CCDC158: variants seen among roughly 807,000 people sequenced by gnomAD.
CCDC158 encodes coiled-coil domain-containing protein 158.
In CCDC158, 116 loss-of-function variants were observed where a neutral mutation model predicts 138.6. That is an observed-to-expected ratio of 0.84 (90% CI 0.72 to 0.98). CCDC158 has a LOEUF of 0.98. Among genes scored for constraint, CCDC158 ranks in the 50% least tolerant of loss-of-function variants. CCDC158 has a pLI of 0.00. For missense variants in CCDC158, 1,265 were observed against 1,306.1 expected (o/e 0.97, Z 0.48); for synonymous variants, 436 against 442.4 (o/e 0.99, Z 0.18).
intron 4 of CCDC158, among the ~76,000 whole-genome samples, chr4:76,394,613 A>C (rs1316497766): frequency 1.3e-5 from 2 of 152,288 alleles, no homozygotes; most frequent in African/African-American, 4.8e-5. Context: ...GTACATTTTC[A>C]AATAACTAAA....
At chr4:76,379,513 T>A (rs1726028584) in intron 8 of CCDC158, 109 bp from the exon 9 acceptor site, 1 of 522,768 alleles carries the variant, frequency 1.9e-6, no homozygotes, top group Non-Finnish European at 3.2e-6. Context: ...TATATGGCAT[T>A]ATTAAGCCAA....
intron 21 of CCDC158, 118 bp downstream of exon 21, chr4:76,331,226 C>A: frequency 1.2e-6 from 1 of 852,252 alleles, no homozygotes; most frequent in Non-Finnish European, 1.9e-6. Flanking sequence ...GTCTTGCTCA[C>A]TATATTCTAA....
At position 76,367,421 on chromosome 4, in the gene CCDC158, C is replaced by T. The variant is rs773792089; in HGVS notation, c.1703G>A (p.Arg568Gln). 2.4e-5 allele frequency: 38 copies of T among 1,614,104 alleles called. No homozygotes were observed. Among genetic ancestry groups the T allele is most frequent in the Non-Finnish European group, 3.1e-5 (36 of 1,180,054 alleles). ...TEKDKVIEIL[R>Q]QQIENMTQLV... ...CTGTGTCATGTTCTCAATCTGCTGT[C>T]GCAGAATCTCGATCACCTTGTCCTT... Residue 568 changes from arginine to glutamine, a missense_variant, in exon 12 of 25, where the codon CGA becomes CAA. Coordinates refer to ENST00000682701, the MANE Select transcript of CCDC158 (RefSeq NM_001394954.1).
intron 18 of CCDC158, chr4:76,344,641 C>A: frequency 6.3e-7 from 1 of 1,576,390 alleles, no homozygotes; most frequent in Non-Finnish European, 8.7e-7. Flanking sequence ...GTCAAATTTA[C>A]AGTGCACACA....
rs753489605 is a variant in CCDC158, at chr4:76,353,135, C to A, written c.2433G>T (p.Val811=). ...RLKEKVTNME[V]ALDKASLQFA... ...AGTTAATAATTACCTTATCCAGAGC[C>A]ACTTCCATATTAGTAACCTTTTCTT... Residue 811 remains valine, a synonymous_variant, in exon 16 of 25, where the codon GTG becomes GTT. Transcript: ENST00000682701. The A allele has an allele frequency of 2.5e-6, 4 of 1,611,692 alleles. No homozygotes were observed. The highest frequency in any genetic ancestry group is 3.4e-6 in the Non-Finnish European group (4 of 1,179,152).
Position 76,328,897 on chromosome 4 carries a change from C to T in CCDC158, c.3010+3G>A. Reference sequence around the variant, plus strand: ...TATTTCTGTGCTTTCATTGGAAACTCACCTGCAGATGTGAATGTGAAGCAA... The same window carrying T: ...TATTTCTGTGCTTTCATTGGAAACTTACCTGCAGATGTGAATGTGAAGCAA... On this transcript the variant is annotated splice_donor_region_variant and intron_variant, in intron 22 of 24. Transcript: ENST00000682701. 1 of 1,613,008 alleles carries T rather than the reference C, an allele frequency of 6.2e-7. No individual in the cohort carries two copies. The highest frequency in any genetic ancestry group is 8.5e-7 in the Non-Finnish European group (1 of 1,179,028).
At chr4:76,402,595 C>T (rs1357457554) in intron 3 of CCDC158, among the ~76,000 whole-genome samples, 3 of 150,236 alleles carry the variant, frequency 2.0e-5, no homozygotes, top group Non-Finnish European at 4.4e-5. Flanking sequence ...GTAACCATTC[C>T]TTGTATTAAA....
rs12332059 is a variant in CCDC158 at position 76,371,364 on chromosome 4, A to G, written c.1149+53T>C. ...GGAAACGAGTTTTGTGATATATTTC[A>G]GTGAAAAACTTCCCAGAATTAGTCT... On this transcript the variant is annotated intron_variant, in intron 10 of 24. Coordinates refer to ENST00000682701, the MANE Select transcript of CCDC158 (RefSeq NM_001394954.1). The G allele has an allele frequency of 5.6e-3, 8,724 of 1,555,510 alleles. 399 individuals carry two copies. In the African/African-American group the frequency reaches 0.1, roughly 18 times the overall value.
At chr4:76,360,544 A>C (rs1187607208) in intron 13 of CCDC158, among the ~76,000 whole-genome samples, 1 of 152,160 alleles carries the variant, frequency 6.6e-6, no homozygotes, top group Non-Finnish European at 1.5e-5. Context: ...TTGGAAGCCC[A>C]CCCCTTACAT....
Position 76,367,049 on chromosome 4 carries a change from C to A in CCDC158, c.1830+245G>T, listed in dbSNP as rs78910387. ...TTTCCTGTGGTATCAGGAAAGACTT[C>A]ATAGATTTTCTGATCTTTTTTCTTT... On this transcript the variant is annotated intron_variant, in intron 12 of 24. Coordinates refer to ENST00000682701, the MANE Select transcript of CCDC158 (RefSeq NM_001394954.1). 9.3e-3 allele frequency among the ~76,000 whole-genome samples: 1,410 copies of A among 152,248 alleles called. 18 individuals carry two copies. Among genetic ancestry groups the A allele is most frequent in the African/African-American group, 0.032 (1,339 of 41,558 alleles).
At chr4:76,383,318 TC>T (rs1197060002) in intron 7 of CCDC158, among the ~76,000 whole-genome samples, 2 of 152,106 alleles carry the variant, frequency 1.3e-5, no homozygotes, top group Non-Finnish European at 2.9e-5. Flanking sequence ...TTAGCAAGAA[TC>T]CCCCTACTCT....
At chr4:76,341,282 C>T (rs1273595777) in intron 18 of CCDC158, among the ~76,000 whole-genome samples, 3 of 152,128 alleles carry the variant, frequency 2.0e-5, no homozygotes, top group Non-Finnish European at 4.4e-5. Flanking sequence ...TCTCCATTCT[C>T]CAAAGATAGA....
chr4:76,341,482 A>T lies in CCDC158; in HGVS notation c.2665-7315T>A, dbSNP rs182409996. Among the ~76,000 whole-genome samples, 418 of 152,338 alleles carry T rather than the reference A, an allele frequency of 2.7e-3. 2 individuals carry two copies. Among genetic ancestry groups the T allele is most frequent in the African/African-American group, 9.1e-3 (379 of 41,582 alleles). On this transcript the variant is annotated intron_variant, in intron 18 of 24. Coordinates refer to ENST00000682701, the MANE Select transcript of CCDC158 (RefSeq NM_001394954.1). The stretch of plus-strand genomic sequence containing the variant: ...ACAGGAAACAGGAAAAAAGTTACGA[A>T]GCATTGCTAAAAATCTTGCCCACAT...
chr4:76,334,213 A>G (rs374469125), intron 18 of CCDC158, 46 bp from the exon 19 acceptor site: 26 of 1,452,176 alleles, frequency 1.8e-5, no homozygotes, highest in East Asian at 2.4e-5. Flanking sequence ...TCAGATTTCT[A>G]TGCTATTTCC....
rs201626838 is a variant in CCDC158 at position 76,328,995 on chromosome 4, C to T, written c.2943-28G>A. ...GGAAGCATAAGAATGGTAATGCAAGCATTCCATTTCACAAACACAGTACTA... is the reference window on the plus strand; with the variant it reads ...GGAAGCATAAGAATGGTAATGCAAGTATTCCATTTCACAAACACAGTACTA... On this transcript the variant is annotated intron_variant, in intron 21 of 24. Coordinates refer to ENST00000682701, the MANE Select transcript of CCDC158 (RefSeq NM_001394954.1). 9 of 1,553,086 alleles carry T rather than the reference C, an allele frequency of 5.8e-6. No individual in the cohort carries two copies. The Admixed American group carries it at 1.3e-4, about 23-fold the overall frequency.
chr4:76,338,120 C>A (rs1721708264), intron 18 of CCDC158, among the ~76,000 whole-genome samples: 1 of 152,202 alleles, frequency 6.6e-6, no homozygotes, highest in African/African-American at 2.4e-5. Context: ...TGCAGGAGAT[C>A]TAGGTTGCAC....
At position 76,332,568 on chromosome 4, in the gene CCDC158, C is replaced by T. The variant is rs576805657; in HGVS notation, c.2823-77G>A. ...ATGTCTTTTTTAGACTAATCAATTGCTTACATATATTCAATTTTTCTTTTA... is the reference window on the plus strand; with the variant it reads ...ATGTCTTTTTTAGACTAATCAATTGTTTACATATATTCAATTTTTCTTTTA... On this transcript the variant is annotated intron_variant, in intron 19 of 24. Transcript: ENST00000682701. The T allele has an allele frequency of 7.9e-6, 9 of 1,132,806 alleles. No individual in the cohort carries two copies. In the Admixed American group the frequency reaches 1.2e-4, roughly 15 times the overall value. 70.2% of individuals were successfully genotyped at this position (1,132,806 alleles called of 1,614,324 possible).
Position 76,353,163 on chromosome 4 carries a change from A to C in CCDC158, c.2405T>G (p.Leu802Trp), listed in dbSNP as rs372239837. 42 of 1,613,664 alleles carry C rather than the reference A, an allele frequency of 2.6e-5. No individual in the cohort carries two copies. Among genetic ancestry groups the C allele is most frequent in the Non-Finnish European group, 2.8e-5 (33 of 1,179,860 alleles). The change falls in exon 16 of 25, where the codon TTG becomes TGG. Residue 802 changes from leucine to tryptophan, a missense_variant. Physicochemically the swap from Leu to Trp is moderately conservative, Grantham distance 61 (BLOSUM62 -2). Coordinates refer to ENST00000682701, the MANE Select transcript of CCDC158 (RefSeq NM_001394954.1). ...LEVLRSQERR[L>W]KEKVTNMEVA... ...TTCCATATTAGTAACCTTTTCTTTCAAACGGCGTTCCTGAGATCGCAGAAC... is the reference window on the plus strand; with the variant it reads ...TTCCATATTAGTAACCTTTTCTTTCCAACGGCGTTCCTGAGATCGCAGAAC...
chr4:76,353,425 T>C, intron 15 of CCDC158, 144 bp from the exon 16 acceptor site: 1 of 611,416 alleles, frequency 1.6e-6, no homozygotes, highest in South Asian at 2.3e-5. Flanking sequence ...TGAGTTGTGG[T>C]TGGGAGCTGC....
Sources: allele counts gnomAD v4.1 joint callset (sites outside exome capture counted in the v4.1 genomes callset), GRCh38; gene constraint gnomAD v4.1.1; transcripts MANE v1.5; gene names NCBI Gene and HGNC (gene_info 2026-07-23, HGNC 2026-07-21).